The following RASSF8 variants were observed in gnomAD, a reference collection of about 807,000 sequenced individuals.
RASSF8 encodes Ras association domain family member 8.
A neutral mutation model predicts 48.5 loss-of-function variants in RASSF8; 22 were observed. The ratio of observed to expected loss-of-function variants is 0.45; its 90% CI spans 0.32 to 0.65. The LOEUF is 0.65. Among genes scored for constraint, RASSF8 ranks in the 30% least tolerant of loss-of-function variants. The pLI, the probability that RASSF8 is intolerant of heterozygous loss-of-function variation, is 0.03. For synonymous variants in RASSF8, 127 were observed against 171.5 expected, an observed-to-expected ratio of 0.74 and a Z score of 2.03; for missense variants, 418 against 489.2, an observed-to-expected ratio of 0.85 and a Z score of 1.37.
intron 1 of RASSF8, among the ~76,000 whole-genome samples, chr12:25,965,366 T>TC (rs1163954004): frequency 1.2e-4 from 18 of 144,696 alleles, no homozygotes; most frequent in Admixed American, 4.1e-4. Flanking sequence ...CAAATTTCTT[T>TC]TTTTTTTTTT....
intron 2 of RASSF8, among the ~76,000 whole-genome samples, chr12:26,013,036 A>C (rs1310512222): frequency 2.0e-5 from 3 of 152,168 alleles, no homozygotes; most frequent in African/African-American, 7.2e-5. Flanking sequence ...TCCTACATTC[A>C]AATTTATAGA....
rs1149806 is a variant in RASSF8, at chr12:25,962,184, A to T, written c.-203+3036A>T. 2.7e-3 allele frequency among the ~76,000 whole-genome samples: 405 copies of T among 152,272 alleles called. 4 individuals carry two copies. Among genetic ancestry groups the T allele is most frequent in the African/African-American group, 9.4e-3 (390 of 41,512 alleles). On this transcript the variant is annotated intron_variant, in intron 1 of 5. Transcript: ENST00000689635. Reference sequence around the variant, plus strand: ...GGATCCTGCATGATTTGATCTCTACATCCACTTGCATCTCTTGCTGTCATC... The same window carrying T: ...GGATCCTGCATGATTTGATCTCTACTTCCACTTGCATCTCTTGCTGTCATC...
rs530184302 is a variant in RASSF8, at chr12:26,070,372, T to G, written c.*1554T>G. 6.3e-5 allele frequency: 62 copies of G among 985,262 alleles called. No individual in the cohort carries two copies. Among genetic ancestry groups the G allele is most frequent in the Non-Finnish European group, 7.1e-5 (59 of 829,868 alleles). The allele number at this position is 985,262 out of a possible 1,614,324, so 61.0% of individuals were successfully genotyped here. A position where few individuals can be genotyped will look rare whatever the true frequency, so the allele number is the denominator to read the frequency against. On this transcript the variant is annotated 3_prime_UTR_variant, in exon 6 of 6. Transcript: ENST00000689635. ...AAATTTTTAAGAATGGCTATGAGAC[T>G]GTATAGAAGCTTCTAGAGAACTGAA...
chr12:26,065,639 T>C (rs1435814858), intron 4 of RASSF8, among the ~76,000 whole-genome samples: 2 of 152,168 alleles, frequency 1.3e-5, no homozygotes, highest in Non-Finnish European at 2.9e-5. Context: ...GAATGGACAC[T>C]AATGATGAGA....
intron 2 of RASSF8, among the ~76,000 whole-genome samples, chr12:26,040,445 G>A (rs1943239657): frequency 6.6e-6 from 1 of 152,158 alleles, no homozygotes; most frequent in Non-Finnish European, 1.5e-5. Context: ...CTTACCCGGA[G>A]GAGGAAAAGT....
At chr12:26,048,289 G>A (rs1029653444) in intron 2 of RASSF8, among the ~76,000 whole-genome samples, 10 of 152,206 alleles carry the variant, frequency 6.6e-5, no homozygotes, top group Admixed American at 6.5e-4. Context: ...ACATCTCTAG[G>A]TATGAGAAGC....
At chr12:25,987,378 T>G (rs1213504465) in intron 1 of RASSF8, among the ~76,000 whole-genome samples, 1 of 152,154 alleles carries the variant, frequency 6.6e-6, no homozygotes, top group Non-Finnish European at 1.5e-5. Flanking sequence ...AATTGAACAT[T>G]ATTAACACAG....
At chr12:25,962,921 T>A (rs11048360) in intron 1 of RASSF8, among the ~76,000 whole-genome samples, 9,987 of 152,298 alleles carry the variant, frequency 0.066, 710 homozygotes, top group East Asian at 0.27. Flanking sequence ...ACCTTTTAAT[T>A]AGTGTTACCC....
intron 2 of RASSF8, among the ~76,000 whole-genome samples, chr12:26,006,732 C>T (rs1394264903): frequency 1.3e-5 from 2 of 152,258 alleles, no homozygotes; most frequent in South Asian, 2.1e-4. Flanking sequence ...GTTTCTGACT[C>T]ATGGTGCGTG....
In RASSF8 at chr12:26,018,417, T is replaced by C. The variant is rs1592272269; in HGVS notation, c.-109+23287T>C. Among the ~76,000 whole-genome samples the C allele has an allele frequency of 3.3e-5, 5 of 152,188 alleles. No homozygotes were observed. In the South Asian group the frequency reaches 1.0e-3, roughly 32 times the overall value. Reference sequence around the variant, plus strand: ...ACTAAAATTTTCTAACATGTCACTTTAACATTTTTTTATTGACAGATAAAA... The same window carrying C: ...ACTAAAATTTTCTAACATGTCACTTCAACATTTTTTTATTGACAGATAAAA... On this transcript the variant is annotated intron_variant, in intron 2 of 5. Coordinates refer to ENST00000689635, the MANE Select transcript of RASSF8 (RefSeq NM_001394098.1).
intron 1 of RASSF8, among the ~76,000 whole-genome samples, chr12:25,985,098 T>C (rs146828239): frequency 6.6e-6 from 1 of 152,208 alleles, no homozygotes; most frequent in Non-Finnish European, 1.5e-5. Flanking sequence ...TCCCCTGGAT[T>C]GGCCTGCTAG....
chr12:25,963,023 A>T (rs1054213172), intron 1 of RASSF8, among the ~76,000 whole-genome samples: 1 of 152,206 alleles, frequency 6.6e-6, no homozygotes, highest in Non-Finnish European at 1.5e-5. Flanking sequence ...AAGGAAAAAA[A>T]ATCTTACTGT....
chr12:26,028,822 G>A (rs1332075469), intron 2 of RASSF8, among the ~76,000 whole-genome samples: 3 of 152,096 alleles, frequency 2.0e-5, no homozygotes, highest in Non-Finnish European at 4.4e-5. Context: ...AGTATATTTT[G>A]TACAAGGCAC....
intron 3 of RASSF8, among the ~76,000 whole-genome samples, chr12:26,056,232 G>C (rs1943599675): frequency 1.3e-5 from 2 of 152,030 alleles, no homozygotes; most frequent in Admixed American, 6.6e-5. Context: ...ATGAAGCACA[G>C]CTCTTGGCTT....
intron 2 of RASSF8, among the ~76,000 whole-genome samples, chr12:26,051,794 A>G (rs1591803279): frequency 6.6e-6 from 1 of 152,226 alleles, no homozygotes; most frequent in African/African-American, 2.4e-5. Flanking sequence ...AAGAAACTCA[A>G]CTGAGTGCTT....
chr12:26,004,898 A>G (rs182552446), intron 2 of RASSF8, among the ~76,000 whole-genome samples: 58 of 151,894 alleles, frequency 3.8e-4, no homozygotes, highest in Non-Finnish European at 7.2e-4. Flanking sequence ...TCATGCTTAT[A>G]ATCCCAGCAC....
At chr12:26,073,776 C>CACACACACACACACAT (rs1244639136), downstream of RASSF8, among the ~76,000 whole-genome samples, 196 of 115,320 alleles carry the variant, frequency 1.7e-3, 5 homozygotes, top group African/African-American at 6.4e-3. Context: ...CACACACACA[C>CACACACACACACACAT]ATATATATAT....
Position 26,069,436 on chromosome 12 carries a change from T to G in RASSF8, c.*618T>G, listed in dbSNP as rs990283123. On this transcript the variant is annotated 3_prime_UTR_variant, in exon 6 of 6. Coordinates refer to ENST00000689635, the MANE Select transcript of RASSF8 (RefSeq NM_001394098.1). ...GTGAAATAATTCAGGGTTTTTTAAA[T>G]CTGGAATTTAGTCGTTCCTTTACAA... is the stretch of plus-strand genomic sequence containing the variant. The G allele has an allele frequency of 1.0e-6, 1 of 985,458 alleles. No individual in the cohort carries two copies. The highest frequency in any genetic ancestry group is 1.2e-6 in the Non-Finnish European group (1 of 829,912). 61.0% of individuals were successfully genotyped at this position (985,458 alleles called of 1,614,324 possible). A position where few individuals can be genotyped will look rare whatever the true frequency, so the allele number is the denominator to read the frequency against.
chr12:26,063,510 T>C (rs996889811), intron 3 of RASSF8, among the ~76,000 whole-genome samples: 2 of 152,056 alleles, frequency 1.3e-5, no homozygotes, highest in East Asian at 1.9e-4. Flanking sequence ...GATTCTCCTA[T>C]TTCAGCCTCT....
Sources: gnomAD v4.1 joint callset for allele counts (sites outside exome capture counted in the v4.1 genomes callset) on GRCh38, gnomAD v4.1.1 for gene constraint, MANE v1.5 for transcripts, NCBI Gene and HGNC (gene_info 2026-07-23, HGNC 2026-07-21) for gene names.